RALGPS1: variants seen among roughly 807,000 people sequenced by gnomAD.
RALGPS1 encodes the protein ras-specific guanine nucleotide-releasing factor RalGPS1.
RALGPS1 carries 19 observed loss-of-function variants against 78.8 expected under a neutral mutation model. The ratio of observed to expected loss-of-function variants is 0.24; its 90% CI spans 0.17 to 0.35. RALGPS1 has a LOEUF of 0.35. RALGPS1 is among the 10% of genes least tolerant of loss of function. The probability of loss-of-function intolerance (pLI) is 1.00; values close to 1 mark genes in which losing one functional copy is unlikely to be tolerated. For missense variants in RALGPS1, 454 were observed against 688.3 expected (o/e 0.66, Z 3.81); for synonymous variants, 228 against 256.3 (o/e 0.89, Z 1.06).
At chr9:127,020,134 A>G (rs890853993) in intron 4 of RALGPS1, among the ~76,000 whole-genome samples, 4 of 152,124 alleles carry the variant, frequency 2.6e-5, no homozygotes, top group Non-Finnish European at 5.9e-5. Context: ...ACTATTTGCC[A>G]TAAGAATTAT....
chr9:127,032,413 G>A (rs930398226), intron 4 of RALGPS1, among the ~76,000 whole-genome samples: 11 of 152,204 alleles, frequency 7.2e-5, no homozygotes, highest in African/African-American at 2.4e-4. Context: ...CTATTTATTC[G>A]AAAATTCAGG....
At chr9:126,931,344 T>G (rs1180485909) in intron 1 of RALGPS1, among the ~76,000 whole-genome samples, 1 of 152,138 alleles carries the variant, frequency 6.6e-6, no homozygotes, top group African/African-American at 2.4e-5. Flanking sequence ...ACATTATTAG[T>G]AATTGCCAAA....
intron 1 of RALGPS1, among the ~76,000 whole-genome samples, chr9:126,917,036 A>T (rs2034242407): frequency 6.6e-6 from 1 of 151,808 alleles, no homozygotes; most frequent in Non-Finnish European, 1.5e-5. Flanking sequence ...AGCCTTCTCT[A>T]CTAACCTGAA....
At chr9:127,199,520 G>GCCTCTGCCTCCCTCGAGGATC (rs71377989) in intron 14 of RALGPS1, among the ~76,000 whole-genome samples, 35,766 of 93,546 alleles carry the variant, frequency 0.38, 15,833 homozygotes, top group Admixed American at 0.57. Context: ...AGTGGCCATA[G>GCCTCTGCCTCCCTCGAGGATC]CCTCTGCCTC....
rs1484862437 is a variant in RALGPS1 at position 127,140,441 on chromosome 9, G to A, written c.611-25628G>A. Among the ~76,000 whole-genome samples the A allele has an allele frequency of 2.6e-5, 4 of 152,162 alleles. No homozygotes were observed. The East Asian group carries it at 7.7e-4, about 29-fold the overall frequency. On this transcript the variant is annotated intron_variant, in intron 8 of 18. Coordinates refer to ENST00000259351, the MANE Select transcript of RALGPS1 (RefSeq NM_014636.3). ...CTTAGATCGTCATGAAAGGCCTCTG[G>A]GGGCACCCAGCACTTGAGACAGTGC...
At chr9:127,060,141 G>A (rs1207601017) in intron 7 of RALGPS1, among the ~76,000 whole-genome samples, 2 of 152,086 alleles carry the variant, frequency 1.3e-5, no homozygotes, top group Non-Finnish European at 2.9e-5. Context: ...CACACATGGG[G>A]GGCTGTAATT....
chr9:126,963,241 C>T (rs2039086756), intron 2 of RALGPS1, among the ~76,000 whole-genome samples: 1 of 152,234 alleles, frequency 6.6e-6, no homozygotes, highest in East Asian at 1.9e-4. Flanking sequence ...AGTTATAATA[C>T]CCGAAATCCC....
chr9:127,138,660 A>G (rs906500476), intron 8 of RALGPS1, among the ~76,000 whole-genome samples: 9 of 152,206 alleles, frequency 5.9e-5, no homozygotes, highest in Non-Finnish European at 1.0e-4. Flanking sequence ...CAGCCACGGA[A>G]GGACAGAGAG....
chr9:127,186,665 C>T (rs911844637), intron 11 of RALGPS1, among the ~76,000 whole-genome samples: 1 of 152,228 alleles, frequency 6.6e-6, no homozygotes, highest in African/African-American at 2.4e-5. Context: ...CAGACCCAGG[C>T]TGTTGGTCAA....
chr9:127,050,280 TA>T lies in RALGPS1; in HGVS notation c.390+149del, dbSNP rs1264300709. 5.7e-6 allele frequency: 4 copies of T among 700,006 alleles called. No homozygotes were observed. The African/African-American group carries it at 7.1e-5, about 13-fold the overall frequency. The allele number at this position is 700,006 out of a possible 1,614,324, so 43.4% of individuals were successfully genotyped here. ...ACAGGGTGCTGTGGCTTGACTTCCCTAGGCAGAGCCAGCTGTTAGACCTGCC... is the reference window on the plus strand; with the variant it reads ...ACAGGGTGCTGTGGCTTGACTTCCCTGGCAGAGCCAGCTGTTAGACCTGCC... On this transcript the variant is annotated intron_variant, in intron 6 of 18. Coordinates refer to ENST00000259351, the MANE Select transcript of RALGPS1 (RefSeq NM_014636.3).
chr9:126,930,652 A>G (rs2035708425), intron 1 of RALGPS1, among the ~76,000 whole-genome samples: 1 of 152,004 alleles, frequency 6.6e-6, no homozygotes, highest in Non-Finnish European at 1.5e-5. Flanking sequence ...CATTTTTAGT[A>G]GAGATGGGGT....
At position 127,183,966 on chromosome 9, in the gene RALGPS1, C is replaced by T; in HGVS notation, c.910+9184C>T. 3 of 1,550,450 alleles carry T rather than the reference C, an allele frequency of 1.9e-6. No individual in the cohort carries two copies. The highest frequency in any genetic ancestry group is 2.6e-6 in the Non-Finnish European group (3 of 1,147,004). On this transcript the variant is annotated intron_variant, in intron 11 of 18. Coordinates refer to ENST00000259351, the MANE Select transcript of RALGPS1 (RefSeq NM_014636.3). This position sits in a 1 kb window ranked among gnomAD's most constrained non-coding sequence, Gnocchi z 4.0. ...CCTGCCTGGATGTGGCCCAGCTCCTCACGAGTACCAGCGGCTCCCCCAGCA... is the reference window on the plus strand; with the variant it reads ...CCTGCCTGGATGTGGCCCAGCTCCTTACGAGTACCAGCGGCTCCCCCAGCA...
chr9:126,957,371 A>G (rs1979791), intron 1 of RALGPS1, among the ~76,000 whole-genome samples: 30,468 of 152,008 alleles, frequency 0.2, 3,747 homozygotes, highest in East Asian at 0.43. Flanking sequence ...TTTGAGCTCC[A>G]TGTCTGGGCT....
At chr9:126,916,656 C>T (rs1006452614) in intron 1 of RALGPS1, among the ~76,000 whole-genome samples, 31 of 152,146 alleles carry the variant, frequency 2.0e-4, no homozygotes, top group African/African-American at 7.2e-4. Flanking sequence ...GTGGCGGGCA[C>T]CTGTAATCTC....
Position 127,128,731 on chromosome 9 carries a change from T to G in RALGPS1, c.611-37338T>G, listed in dbSNP as rs566052248. On this transcript the variant is annotated intron_variant, in intron 8 of 18. Coordinates refer to ENST00000259351, the MANE Select transcript of RALGPS1 (RefSeq NM_014636.3). ...CTGTGACTCTCCGCACCATGCCGGGTGGGGGAACCACATGTTCCCTGGCTC... is the reference window on the plus strand; with the variant it reads ...CTGTGACTCTCCGCACCATGCCGGGGGGGGGAACCACATGTTCCCTGGCTC... 5.3e-5 allele frequency among the ~76,000 whole-genome samples: 8 copies of G among 152,216 alleles called. No individual in the cohort carries two copies. In the South Asian group the frequency reaches 1.7e-3, roughly 32 times the overall value.
intron 8 of RALGPS1, among the ~76,000 whole-genome samples, chr9:127,130,330 A>T (rs2056920807): frequency 6.6e-6 from 1 of 152,192 alleles, no homozygotes; most frequent in African/African-American, 2.4e-5. Context: ...GTGCTCAGTA[A>T]ATGCTGGCTT....
At chr9:127,030,233 C>A (rs1358639007) in intron 4 of RALGPS1, among the ~76,000 whole-genome samples, 3 of 152,088 alleles carry the variant, frequency 2.0e-5, no homozygotes, top group Non-Finnish European at 4.4e-5. Flanking sequence ...GGGCTGGACA[C>A]AGACATGTAG....
chr9:127,094,278 G>A (rs2052850824), intron 8 of RALGPS1, among the ~76,000 whole-genome samples: 2 of 152,108 alleles, frequency 1.3e-5, no homozygotes, highest in Admixed American at 6.5e-5. Context: ...GATCATTTGG[G>A]GGAAGTTGCT....
chr9:126,996,850 C>T (rs2042814998), intron 4 of RALGPS1, among the ~76,000 whole-genome samples: 1 of 152,270 alleles, frequency 6.6e-6, no homozygotes, highest in Non-Finnish European at 1.5e-5. Context: ...AAGTGGGCTT[C>T]ATCCCTGGGA....
Sources: allele counts gnomAD v4.1 joint callset (sites outside exome capture counted in the v4.1 genomes callset), GRCh38; gene constraint gnomAD v4.1.1; non-coding constraint Gnocchi (gnomAD v3.1); transcripts MANE v1.5; gene names NCBI Gene and HGNC (gene_info 2026-07-23, HGNC 2026-07-21).